Variants in AGMO observed in about 807,000 individuals in gnomAD.
The protein encoded by AGMO is glyceryl-ether monooxygenase.
AGMO carries 75 observed loss-of-function variants against 60.2 expected under a neutral mutation model. The observed-to-expected ratio is 1.25, with a 90% CI of 1.03 to 1.51. The LOEUF (loss-of-function observed/expected upper bound fraction) is 1.51, where lower values mean the gene tolerates loss of function less well. Among genes scored for constraint, AGMO ranks in the 40% most tolerant of loss-of-function variants. The pLI, the probability that AGMO is intolerant of heterozygous loss-of-function variation, is 0.00. For synonymous variants in AGMO, 261 were observed against 177.1 expected (o/e 1.47, Z -3.76); for missense variants, 763 against 525.5 (o/e 1.45, Z -4.42).
At chr7:15,217,302 T>G (rs1459483247) in intron 12 of AGMO, among the ~76,000 whole-genome samples, 1 of 152,100 alleles carries the variant, frequency 6.6e-6, no homozygotes, top group Non-Finnish European at 1.5e-5. Context: ...CAATCTCAAC[T>G]GAGGAGGAGT....
intron 12 of AGMO, among the ~76,000 whole-genome samples, chr7:15,305,974 A>T (rs1047879879): frequency 6.6e-6 from 1 of 151,970 alleles, no homozygotes; most frequent in Non-Finnish European, 1.5e-5. Context: ...CAAGTATCTT[A>T]TTTTTTTCTG....
intron 12 of AGMO, among the ~76,000 whole-genome samples, chr7:15,362,771 C>T (rs748282550): frequency 1.3e-5 from 2 of 152,154 alleles, no homozygotes; most frequent in Non-Finnish European, 2.9e-5. Flanking sequence ...CGTGTCTTTT[C>T]AAAATTCTTT....
At chr7:15,370,306 G>A (rs572437370) in intron 10 of AGMO, among the ~76,000 whole-genome samples, 10 of 152,288 alleles carry the variant, frequency 6.6e-5, no homozygotes, top group African/African-American at 2.4e-4. Flanking sequence ...TCCTCCGTTG[G>A]TGGGCACCTA....
At chr7:15,462,160 A>G (rs1328389638) in intron 3 of AGMO, among the ~76,000 whole-genome samples, 2 of 152,104 alleles carry the variant, frequency 1.3e-5, no homozygotes, top group East Asian at 1.9e-4. Flanking sequence ...AAATAAGACA[A>G]GTTTCGGAGA....
intron 1 of AGMO, 58 bp from the exon 2 acceptor site, chr7:15,560,329 A>C: frequency 6.4e-7 from 1 of 1,554,422 alleles, no homozygotes; most frequent in Non-Finnish European, 8.7e-7. Flanking sequence ...ATTATTTTAC[A>C]TTTCCTGATT....
intron 12 of AGMO, among the ~76,000 whole-genome samples, chr7:15,336,654 T>C (rs1476667283): frequency 6.6e-6 from 1 of 152,202 alleles, no homozygotes; most frequent in East Asian, 1.9e-4. Context: ...TGGGCTGTTA[T>C]ATTCATCAAG....
chr7:15,355,780 T>C (rs956396701), intron 12 of AGMO, among the ~76,000 whole-genome samples: 6 of 152,160 alleles, frequency 3.9e-5, no homozygotes, highest in African/African-American at 1.4e-4. Flanking sequence ...TCTGTGGAAA[T>C]AAAAACCATT....
At chr7:15,274,695 CTTTT>C (rs549793677) in intron 12 of AGMO, among the ~76,000 whole-genome samples, 1 of 135,864 alleles carries the variant, frequency 7.4e-6, no homozygotes, top group African/African-American at 2.7e-5. Flanking sequence ...TGGTGATGGG[CTTTT>C]TTTTTTTTGG....
intron 12 of AGMO, among the ~76,000 whole-genome samples, chr7:15,325,710 C>T (rs1781317146): frequency 6.6e-6 from 1 of 152,142 alleles, no homozygotes; most frequent in Non-Finnish European, 1.5e-5. Flanking sequence ...TGTACCTTAT[C>T]AGCTCACATT....
chr7:15,152,246 T>A, the AGMO span, among the ~76,000 whole-genome samples: 1 of 152,270 alleles, frequency 6.6e-6, no homozygotes. Context: ...TCTTTTAAAA[T>A]TTTTATGTAT....
chr7:15,264,744 C>G (rs1416015662), intron 12 of AGMO, among the ~76,000 whole-genome samples: 2 of 152,010 alleles, frequency 1.3e-5, no homozygotes, highest in Admixed American at 6.6e-5. Context: ...CCATCTCATA[C>G]CATTCAGAAT....
At chr7:15,163,859 C>T in the AGMO span, among the ~76,000 whole-genome samples, 2 of 151,882 alleles carry the variant, frequency 1.3e-5, no homozygotes, top group African/African-American at 4.8e-5. Flanking sequence ...AGGGAGAAAT[C>T]CCTCCTCTTT....
At chr7:15,479,620 T>C (rs80249141) in intron 3 of AGMO, among the ~76,000 whole-genome samples, 1,926 of 152,292 alleles carry the variant, frequency 0.013, 34 homozygotes, top group African/African-American at 0.045. Flanking sequence ...GTGATTTGGG[T>C]TAACATTTGC....
the AGMO span, among the ~76,000 whole-genome samples, chr7:15,172,464 G>A: frequency 1.3e-5 from 2 of 152,202 alleles, no homozygotes; most frequent in African/African-American, 4.8e-5. Context: ...CCTCCGAAGA[G>A]TGAGGCAGAT....
At chr7:15,492,731 T>C (rs1444328692) in intron 3 of AGMO, among the ~76,000 whole-genome samples, 1 of 152,128 alleles carries the variant, frequency 6.6e-6, no homozygotes, top group Non-Finnish European at 1.5e-5. Context: ...TTAGATGGTA[T>C]GCAATATATC....
intron 5 of AGMO, among the ~76,000 whole-genome samples, chr7:15,409,785 G>A (rs1036708230): frequency 5.3e-5 from 8 of 151,752 alleles, no homozygotes; most frequent in African/African-American, 1.9e-4. Context: ...AAACTGCATA[G>A]TGTAGTAGAT....
At position 15,385,327 on chromosome 7, in the gene AGMO, A is replaced by G. The variant is rs1481980294; in HGVS notation, c.1074+119T>C. 7.6e-6 allele frequency: 5 copies of G among 658,662 alleles called. No individual in the cohort carries two copies. The Admixed American group carries it at 1.5e-4, about 20-fold the overall frequency. 40.8% of individuals were successfully genotyped at this position (658,662 alleles called of 1,614,324 possible). Reference sequence around the variant, plus strand: ...ACCTATTTAAATGTGAGACGTTGCCAAAATTACAGCAGACCACTACAGAGA... The same window carrying G: ...ACCTATTTAAATGTGAGACGTTGCCGAAATTACAGCAGACCACTACAGAGA... On this transcript the variant is annotated intron_variant, in intron 10 of 12. Transcript: ENST00000342526.
chr7:15,368,598 T>C (rs1005300955), intron 10 of AGMO, among the ~76,000 whole-genome samples: 1 of 152,120 alleles, frequency 6.6e-6, no homozygotes, highest in Admixed American at 6.6e-5. Context: ...GTAATCTTAT[T>C]AAATACTTAA....
intron 3 of AGMO, among the ~76,000 whole-genome samples, chr7:15,440,305 G>C (rs1781518083): frequency 6.6e-6 from 1 of 152,094 alleles, no homozygotes; most frequent in African/African-American, 2.4e-5. Flanking sequence ...TTACAACCAA[G>C]ATTTCTAAAT....
Sources: gnomAD v4.1 joint callset for allele counts (sites outside exome capture counted in the v4.1 genomes callset) on GRCh38, gnomAD v4.1.1 for gene constraint, MANE v1.5 for transcripts, NCBI Gene and HGNC (gene_info 2026-07-23, HGNC 2026-07-21) for gene names.